Variants in NKD1 observed in about 807,000 individuals in gnomAD.
NKD1 encodes the protein NKD inhibitor of Wnt signaling pathway 1.
A neutral mutation model predicts 56.0 loss-of-function variants in NKD1; 21 were observed. That is an observed-to-expected ratio of 0.38 (90% CI 0.27 to 0.54). The LOEUF (loss-of-function observed/expected upper bound fraction) is 0.54, where lower values mean the gene tolerates loss of function less well. Ranked by LOEUF, NKD1 falls within the 20% of genes least tolerant of loss-of-function variation. The pLI is 0.82. For synonymous variants in NKD1, 263 were observed against 265.7 expected (o/e 0.99, Z 0.10); for missense variants, 578 against 642.7 (o/e 0.90, Z 1.09).
Position 50,623,352 on chromosome 16 carries a change from G to C in NKD1, c.366+1644G>C, listed in dbSNP as rs998097293. Among the ~76,000 whole-genome samples the C allele has an allele frequency of 3.9e-5, 6 of 152,254 alleles. No homozygotes were observed. Among genetic ancestry groups the C allele is most frequent in the African/African-American group, 1.4e-4 (6 of 41,560 alleles). On this transcript the variant is annotated intron_variant, in intron 5 of 9. Transcript: ENST00000268459. This position sits in a 1 kb window ranked among gnomAD's most constrained non-coding sequence, Gnocchi z 4.1. Reference sequence around the variant, plus strand: ...CTCCAAGAGGCTTGAAGGCTCGCCTGAGGAGGATAGGTAGTATCTAGTAGG... The same window carrying C: ...CTCCAAGAGGCTTGAAGGCTCGCCTCAGGAGGATAGGTAGTATCTAGTAGG...
Position 50,562,344 on chromosome 16 carries a change from G to T in NKD1, c.192+12789G>T, listed in dbSNP as rs553457222. The T allele has an allele frequency of 1.0e-5, 9 of 879,500 alleles. No homozygotes were observed. In the South Asian group the frequency reaches 3.1e-4, roughly 31 times the overall value. 54.5% of individuals were successfully genotyped at this position (879,500 alleles called of 1,614,324 possible). A position where few individuals can be genotyped will look rare whatever the true frequency, so the allele number is the denominator to read the frequency against. On this transcript the variant is annotated intron_variant, in intron 3 of 9. Transcript: ENST00000268459. Reference sequence around the variant, plus strand: ...GGTGCATAGAGAAAGATCTGGAAGGGTACACTGTCAAGGACTATTTCCCTG... The same window carrying T: ...GGTGCATAGAGAAAGATCTGGAAGGTTACACTGTCAAGGACTATTTCCCTG...
At position 50,633,112 on chromosome 16, in the gene NKD1, G is replaced by A. The variant is rs1304218692; in HGVS notation, c.824-80G>A. On this transcript the variant is annotated intron_variant, in intron 9 of 9. Transcript: ENST00000268459. This position sits in a 1 kb window ranked among gnomAD's most constrained non-coding sequence, Gnocchi z 4.9. The stretch of plus-strand genomic sequence containing the variant: ...TAGCTCTGGTTTTGGAGAACTGGGG[G>A]CGGGGGTGATGTCTGGGGTATAGCG... 2 of 1,313,594 alleles carry A rather than the reference G, an allele frequency of 1.5e-6. No individual in the cohort carries two copies. The highest frequency in any genetic ancestry group is 1.6e-5 in the South Asian group (1 of 63,960). The allele number at this position is 1,313,594 out of a possible 1,614,324, so 81.4% of individuals were successfully genotyped here.
In NKD1 at chr16:50,598,219, TG is replaced by T. The variant is rs1427209742; in HGVS notation, c.193-10072del. ...TTCTCCAGGGCACTGCAGGGCCGCA[TG>T]GGTGGACTCTGTGTGTGTGTGTGTG... On this transcript the variant is annotated intron_variant, in intron 3 of 9. Coordinates refer to ENST00000268459, the MANE Select transcript of NKD1 (RefSeq NM_033119.5). The surrounding 1 kb of genome is among the most constrained non-coding windows in gnomAD (Gnocchi z 4.2). 6.9e-6 allele frequency among the ~76,000 whole-genome samples: 1 copy of T among 144,108 alleles called. No individual in the cohort carries two copies. Among genetic ancestry groups the T allele is most frequent in the Non-Finnish European group, 1.5e-5 (1 of 67,192 alleles). The allele number at this position is 144,108 out of a possible 152,430, so 94.5% of individuals were successfully genotyped here.
intron 3 of NKD1, among the ~76,000 whole-genome samples, chr16:50,567,412 G>C (rs1026028706): frequency 6.6e-6 from 1 of 152,156 alleles, no homozygotes; most frequent in Non-Finnish European, 1.5e-5. Context: ...GTTGAGAGGG[G>C]ACATCACATT....
At chr16:50,556,877 T>C (rs1309641634) in intron 3 of NKD1, 2 of 152,060 alleles carry the variant, frequency 1.3e-5, no homozygotes, top group African/African-American at 2.4e-5. Context: ...CCCAGCCTTA[T>C]ATATATTTTT....
Position 50,601,678 on chromosome 16 carries a change from G to T in NKD1, c.193-6616G>T, listed in dbSNP as rs964675320. 1.4e-4 allele frequency among the ~76,000 whole-genome samples: 21 copies of T among 152,348 alleles called. 1 individual carries two copies. The highest frequency in any genetic ancestry group is 3.4e-3 in the Middle Eastern group (1 of 294). ...CCCGAGGGAGGGGTCCCAGGAGAGG[G>T]TTCCAATTGGCTTGGCTGCATCCAG... On this transcript the variant is annotated intron_variant, in intron 3 of 9. Transcript: ENST00000268459.
At chr16:50,622,461 CCCCACTGCTCTG>C (rs1000814076) in intron 5 of NKD1, among the ~76,000 whole-genome samples, 30 of 152,122 alleles carry the variant, frequency 2.0e-4, no homozygotes, top group African/African-American at 7.0e-4. Flanking sequence ...CATGGAGCTT[CCCCACTGCTCTG>C]CCCTCCTTGC....
Position 50,644,165 on chromosome 16 carries a change from T to C in NKD1, c.*10384T>C, listed in dbSNP as rs1393709766. 6.6e-6 allele frequency: 1 copy of C among 152,286 alleles called. No individual in the cohort carries two copies. Among genetic ancestry groups the C allele is most frequent in the African/African-American group, 2.4e-5 (1 of 41,470 alleles). 9.4% of individuals were successfully genotyped at this position (152,286 alleles called of 1,614,324 possible). ...CACCATGAGTATTGATTTTGGGTGATAGACAAATTTTAGTGAATAGGCAAT... is the reference window on the plus strand; with the variant it reads ...CACCATGAGTATTGATTTTGGGTGACAGACAAATTTTAGTGAATAGGCAAT... On this transcript the variant is annotated 3_prime_UTR_variant, in exon 10 of 10. Transcript: ENST00000268459.
intron 3 of NKD1, among the ~76,000 whole-genome samples, chr16:50,577,062 G>T (rs973788032): frequency 6.6e-6 from 1 of 152,212 alleles, no homozygotes; most frequent in African/African-American, 2.4e-5. Context: ...TGTGGGAAAT[G>T]ATACAAATAT....
chr16:50,552,849 C>T (rs982840015), intron 3 of NKD1, among the ~76,000 whole-genome samples: 1 of 152,206 alleles, frequency 6.6e-6, no homozygotes, highest in Non-Finnish European at 1.5e-5. Context: ...AGGCTCTCTG[C>T]CTCCCCCACT....
In NKD1 at chr16:50,634,963, G is replaced by A. The variant is rs1055713891; in HGVS notation, c.*1182G>A. ...CTGGAGCAGCATCCTCTGCAGAGAA[G>A]GATTTTGTCTGGCCAGAGCCTGGAG... On this transcript the variant is annotated 3_prime_UTR_variant, in exon 10 of 10. Coordinates refer to ENST00000268459, the MANE Select transcript of NKD1 (RefSeq NM_033119.5). 1 of 152,214 alleles carries A rather than the reference G, an allele frequency of 6.6e-6. No homozygotes were observed. The highest frequency in any genetic ancestry group is 1.5e-5 in the Non-Finnish European group (1 of 68,034). The allele number at this position is 152,214 out of a possible 1,614,324, so 9.4% of individuals were successfully genotyped here. A position where few individuals can be genotyped will look rare whatever the true frequency, so the allele number is the denominator to read the frequency against.
intron 4 of NKD1, among the ~76,000 whole-genome samples, chr16:50,616,415 C>T (rs1297998886): frequency 6.6e-6 from 1 of 152,218 alleles, no homozygotes; most frequent in Non-Finnish European, 1.5e-5. Context: ...CTGGTATCAT[C>T]CCAGGTTTGG....
At chr16:50,614,882 C>T (rs560192584) in intron 4 of NKD1, among the ~76,000 whole-genome samples, 1 of 152,186 alleles carries the variant, frequency 6.6e-6, no homozygotes, top group Non-Finnish European at 1.5e-5. Context: ...CCCATCCTGA[C>T]TTGGAAAGGG....
chr16:50,613,956 C>T (rs973512218), intron 4 of NKD1, among the ~76,000 whole-genome samples: 1 of 152,156 alleles, frequency 6.6e-6, no homozygotes, highest in African/African-American at 2.4e-5. Context: ...AGAAGGATTT[C>T]CTCCCCTACC....
intron 3 of NKD1, among the ~76,000 whole-genome samples, chr16:50,565,297 G>A (rs536713799): frequency 2.0e-5 from 3 of 151,808 alleles, no homozygotes; most frequent in South Asian, 2.1e-4. Flanking sequence ...GTGTGAACAC[G>A]GGAGGCAGAG....
intron 3 of NKD1, among the ~76,000 whole-genome samples, chr16:50,552,943 A>C (rs1372719577): frequency 6.6e-6 from 1 of 152,246 alleles, no homozygotes; most frequent in Non-Finnish European, 1.5e-5. Flanking sequence ...GTCCAAGGGA[A>C]TATGGACTCA....
At chr16:50,601,429 C>T (rs1483699413) in intron 3 of NKD1, among the ~76,000 whole-genome samples, 1 of 152,254 alleles carries the variant, frequency 6.6e-6, no homozygotes, top group Non-Finnish European at 1.5e-5. Context: ...CGAACAGACA[C>T]TTTTTCGAGT....
At chr16:50,564,570 G>A (rs1378216688) in intron 3 of NKD1, among the ~76,000 whole-genome samples, 4 of 152,212 alleles carry the variant, frequency 2.6e-5, no homozygotes, top group Non-Finnish European at 5.9e-5. Context: ...GCTCACTCTT[G>A]TATCCCTGGG....
intron 4 of NKD1, among the ~76,000 whole-genome samples, chr16:50,613,336 G>A (rs1462143040): frequency 6.6e-6 from 1 of 152,076 alleles, no homozygotes; most frequent in African/African-American, 2.4e-5. Context: ...GACATTGCCC[G>A]GGACTCTCGG....
Sources: allele counts gnomAD v4.1 joint callset (sites outside exome capture counted in the v4.1 genomes callset), GRCh38; gene constraint gnomAD v4.1.1; non-coding constraint Gnocchi (gnomAD v3.1); transcripts MANE v1.5; gene names NCBI Gene and HGNC (gene_info 2026-07-23, HGNC 2026-07-21).